CYP2D6: variants seen among roughly 807,000 people sequenced by gnomAD.
CYP2D6 encodes cytochrome P450 family 2 subfamily D member 6 (gene/pseudogene), also known as cytochrome P450 2D6.
A neutral mutation model predicts 43.5 loss-of-function variants in CYP2D6; 51 were observed. The ratio of observed to expected loss-of-function variants is 1.17; its 90% CI spans 0.94 to 1.48. The LOEUF (loss-of-function observed/expected upper bound fraction) is 1.48, where lower values mean the gene tolerates loss of function less well. Among genes scored for constraint, CYP2D6 ranks in the 40% most tolerant of loss-of-function variants. The pLI is 0.00. For missense variants in CYP2D6, 698 were observed against 688.0 expected (o/e 1.01, Z -0.16); for synonymous variants, 346 against 297.1 (o/e 1.16, Z -1.69).
Position 42,128,224 on chromosome 22 carries a change from C to G in CYP2D6, c.793G>C (p.Ala265Pro), listed in dbSNP as rs1170287893. 6.2e-7 allele frequency: 1 copy of G among 1,610,054 alleles called. No individual in the cohort carries two copies. Among genetic ancestry groups the G allele is most frequent in the African/African-American group, 1.3e-5 (1 of 74,084 alleles). Reference protein sequence around the residue: ...LTEHRMTWDPAQPPRDLTEAF... With the variant: ...LTEHRMTWDPPQPPRDLTEAF... ...TCAGTCAGGTCTCGGGGGGGCTGGG[C>G]TGGGTCCCAGGTCATCCTGTGCTCA... The change falls in exon 5 of 9, where the codon GCC becomes CCC. Residue 265 changes from alanine (A) to proline (P), a missense_variant. By Grantham distance (27) the Ala-to-Pro change is conservative (BLOSUM62 -1). Around this residue, in one of 5 missense-constraint regions of CYP2D6, gnomAD observed 588 missense variants for 521.1 expected, o/e 1.13. Transcript: ENST00000645361.
In CYP2D6 at chr22:42,126,663, G is replaced by C. The variant is rs1135833; in HGVS notation, c.1405C>G (p.Pro469Ala). The change falls in exon 9 of 9, where the codon CCC (proline) becomes GCC (alanine). Residue 469 changes from proline (P) to alanine (A), a missense_variant. By Grantham distance (27) the Pro-to-Ala change is conservative. Around this residue, in one of 5 missense-constraint regions of CYP2D6, gnomAD observed 85 missense variants for 81.2 expected, o/e 1.05. Transcript: ENST00000645361. ...TGGCTGGGCCGGGGCTGTCCAGTGG[G>C]CACCGAGAAGCTGAAGTGCTGCAGC... ...SLLQHFSFSV[P>A]TGQPRPSHHG... is the part of the protein sequence containing the mutation. The C allele has an allele frequency of 3.0e-5, 49 of 1,607,626 alleles. 1 individual carries two copies. The highest frequency in any genetic ancestry group is 2.2e-4 in the East Asian group (10 of 44,568).
rs1188817753 is a variant in CYP2D6, at chr22:42,130,022, AAGG to A, written c.181-116_181-114del. ...GGGGCTACCAGGAGTGAGCAGGTGG[AAGG>A]AGGAGACCCAGCCTCCTGATCGTGG... On this transcript the variant is annotated intron_variant, in intron 1 of 8. Coordinates refer to ENST00000645361, the MANE Select transcript of CYP2D6 (RefSeq NM_000106.6). 18 of 1,127,426 alleles carry A rather than the reference AAGG, an allele frequency of 1.6e-5. 1 individual carries two copies. Among genetic ancestry groups the A allele is most frequent in the African/African-American group, 1.1e-4 (6 of 53,306 alleles). The allele number at this position is 1,127,426 out of a possible 1,614,324, so 69.8% of individuals were successfully genotyped here.
intron 1 of CYP2D6, 84 bp downstream of exon 1, chr22:42,130,528 C>T: frequency 1.6e-6 from 2 of 1,282,858 alleles, no homozygotes; most frequent in Non-Finnish European, 2.2e-6. Context: ...TCTGGTCCAG[C>T]CTGTGGTTTC....
rs551689023 is a variant in CYP2D6 at position 42,128,764 on chromosome 22, C to T, written c.666+20G>A. On this transcript the variant is annotated intron_variant, in intron 4 of 8. Transcript: ENST00000645361. The stretch of plus-strand genomic sequence containing the variant: ...TCGGGAGCTCGCCCTGCAGAGACTC[C>T]TCGGTCTCTCGCTCCGCACCTCGCG... 1.8e-5 allele frequency: 28 copies of T among 1,597,488 alleles called. No homozygotes were observed. The East Asian group carries it at 4.5e-4, about 26-fold the overall frequency.
At chr22:42,129,466 C>G in intron 2 of CYP2D6, 2 of 727,454 alleles carry the variant, frequency 2.7e-6, no homozygotes, top group African/African-American at 1.7e-5. Flanking sequence ...TCCCCGCCCC[C>G]CACTTCGACA....
At chr22:42,129,679 T>A in intron 2 of CYP2D6, 59 bp downstream of exon 2, 3 of 1,598,540 alleles carry the variant, frequency 1.9e-6, no homozygotes, top group Non-Finnish European at 2.6e-6. Context: ...CAGCTCGGAC[T>A]ACGGTCATCA....
intron 3 of CYP2D6, 22 bp downstream of exon 3, chr22:42,129,011 T>G (rs1931524702): frequency 6.3e-7 from 1 of 1,599,730 alleles, no homozygotes; most frequent in Non-Finnish European, 8.5e-7. Flanking sequence ...TCCCGCTTTG[T>G]GCCCTTCTGC....
In CYP2D6 at chr22:42,127,991, G is replaced by A; in HGVS notation, c.844-8C>T. ...CTCAGGGTTCCCCTTGGCCTGAGCAGGGCCGAGAGCATACTCGGGACAGAA... is the reference window on the plus strand; with the variant it reads ...CTCAGGGTTCCCCTTGGCCTGAGCAAGGCCGAGAGCATACTCGGGACAGAA... On this transcript the variant is annotated splice_region_variant and splice_polypyrimidine_tract_variant and intron_variant, in intron 5 of 8. Transcript: ENST00000645361. 7 of 1,611,386 alleles carry A rather than the reference G, an allele frequency of 4.3e-6. 1 individual carries two copies. The highest frequency in any genetic ancestry group is 5.9e-6 in the Non-Finnish European group (7 of 1,178,312).
rs558523758 is a variant in CYP2D6 at position 42,128,248 on chromosome 22, C to G, written c.769G>C (p.Glu257Gln). The G allele has an allele frequency of 1.2e-6, 2 of 1,610,634 alleles. No homozygotes were observed. The highest frequency in any genetic ancestry group is 2.2e-5 in the East Asian group (1 of 44,748). ...GCTGGGTCCCAGGTCATCCTGTGCT[C>G]AGTTAGCAGCTCATCCAGCTGGGTC... ...FLTQLDELLT[E>Q]HRMTWDPAQP... The change falls in exon 5 of 9, where the codon GAG (glutamate) becomes CAG (glutamine). Residue 257 changes from glutamate (E) to glutamine (Q), a missense_variant. Physicochemically the swap from Glu to Gln is conservative, Grantham distance 29 (BLOSUM62 2). Around this residue, in one of 5 missense-constraint regions of CYP2D6, gnomAD observed 588 missense variants for 521.1 expected, o/e 1.13. Coordinates refer to ENST00000645361, the MANE Select transcript of CYP2D6 (RefSeq NM_000106.6).
intron 2 of CYP2D6, 56 bp from the exon 3 acceptor site, chr22:42,129,241 A>T: frequency 1.3e-6 from 2 of 1,576,394 alleles, no homozygotes; most frequent in East Asian, 4.5e-5. Flanking sequence ...CCCACCATCC[A>T]CCACCCACTC....
rs752453767 is a variant in CYP2D6 at position 42,128,779 on chromosome 22, C to T, written c.666+5G>A. ...GCAGAGACTCCTCGGTCTCTCGCTC[C>T]GCACCTCGCGCAGAAAGCCCGACTC... On this transcript the variant is annotated splice_donor_5th_base_variant and intron_variant, in intron 4 of 8. Coordinates refer to ENST00000645361, the MANE Select transcript of CYP2D6 (RefSeq NM_000106.6). 24 of 1,604,076 alleles carry T rather than the reference C, an allele frequency of 1.5e-5. No individual in the cohort carries two copies. The highest frequency in any genetic ancestry group is 3.4e-5 in the Admixed American group (2 of 59,372).
intron 2 of CYP2D6, 34 bp from the exon 3 acceptor site, chr22:42,129,219 G>A: frequency 6.3e-7 from 1 of 1,595,090 alleles, no homozygotes; most frequent in Non-Finnish European, 8.5e-7. Flanking sequence ...GCGTGGCCAT[G>A]AAGGCATTAG....
At chr22:42,130,181 C>T (rs1269319337) in intron 1 of CYP2D6, 1 of 518,086 alleles carries the variant, frequency 1.9e-6, no homozygotes, top group Middle Eastern at 4.8e-4. Flanking sequence ...GATGATGGTC[C>T]ATGCCGGTGA....
chr22:42,128,441 G>A (rs1205787231), intron 4 of CYP2D6, 91 bp from the exon 5 acceptor site: 11 of 1,448,112 alleles, frequency 7.6e-6, no homozygotes, highest in Admixed American at 1.8e-5. Context: ...GGTAGACCCA[G>A]GGCCTGCCTG....
rs1931530850 is a variant in CYP2D6, at chr22:42,129,032, C to T, written c.505+1G>A. 6.2e-7 allele frequency: 1 copy of T among 1,606,092 alleles called. No homozygotes were observed. ...TTTGTGCCCTTCTGCCCATCACCCA[C>T]CGGAGTGGTTGGCGAAGGCGGCACA... is the stretch of plus-strand genomic sequence containing the variant. On this transcript the variant is annotated splice_donor_variant, in intron 3 of 8. Coordinates refer to ENST00000645361, the MANE Select transcript of CYP2D6 (RefSeq NM_000106.6). LOFTEE classifies it high-confidence loss of function.
chr22:42,127,724 G>A (rs1157908727), intron 6 of CYP2D6, 90 bp from the exon 7 acceptor site: 17 of 1,574,230 alleles, frequency 1.1e-5, no homozygotes, highest in Non-Finnish European at 1.5e-5. Flanking sequence ...AGGAGGTCAG[G>A]CTTACAGGAT....
rs986546744 is a variant in CYP2D6 at position 42,129,954 on chromosome 22, C to G, written c.181-45G>C. ...GCCTCTTGTCAAGCCAGGATCACCC[C>G]AGACTACAGGTCCTAGTCCTATTTG... On this transcript the variant is annotated intron_variant, in intron 1 of 8. Transcript: ENST00000645361. 4 of 1,487,122 alleles carry G rather than the reference C, an allele frequency of 2.7e-6. No homozygotes were observed. In the African/African-American group the frequency reaches 6.1e-5, roughly 23 times the overall value. 92.1% of individuals were successfully genotyped at this position (1,487,122 alleles called of 1,614,324 possible).
rs1481867482 is a variant in CYP2D6 at position 42,128,986 on chromosome 22, C to G, written c.506-42G>C. On this transcript the variant is annotated intron_variant, in intron 3 of 8. Coordinates refer to ENST00000645361, the MANE Select transcript of CYP2D6 (RefSeq NM_000106.6). ...CGGGTAAGGGGTCGCCTTCCCCGTCCCCCGCCTTCCCAGTTCCCGCTTTGT... is the reference window on the plus strand; with the variant it reads ...CGGGTAAGGGGTCGCCTTCCCCGTCGCCCGCCTTCCCAGTTCCCGCTTTGT... The G allele has an allele frequency of 2.5e-5, 40 of 1,586,966 alleles. 1 individual carries two copies. Among genetic ancestry groups the G allele is most frequent in the Non-Finnish European group, 3.3e-5 (38 of 1,166,598 alleles).
rs557462388 is a variant in CYP2D6 at position 42,129,097 on chromosome 22, C to T, written c.441G>A (p.Lys147=). The T allele has an allele frequency of 6.2e-7, 1 of 1,610,540 alleles. No homozygotes were observed. The highest frequency in any genetic ancestry group is 1.1e-5 in the South Asian group (1 of 90,832). Residue 147 remains lysine (K), a synonymous_variant, in exon 3 of 9, where the codon AAG becomes AAA. Transcript: ENST00000645361. The part of the protein sequence containing the change: ...STLRNLGLGK[K]SLEQWVTEEA... ...CCTCGGTCACCCACTGCTCCAGCGA[C>T]TTCTTGCCCAGGCCCAAGTTGCGCA...
Sources: allele counts gnomAD v4.1 joint callset, GRCh38; gene constraint gnomAD v4.1.1; regional missense constraint gnomAD v4.1.1; transcripts MANE v1.5; gene names NCBI Gene and HGNC (gene_info 2026-07-23, HGNC 2026-07-21).